Variants in MYO16 observed in about 807,000 individuals in gnomAD.
MYO16 encodes unconventional myosin-XVI.
In MYO16, 94 loss-of-function variants were observed where a neutral mutation model predicts 205.3. The observed-to-expected ratio is 0.46, with a 90% CI of 0.39 to 0.54. The LOEUF is 0.54. Among genes scored for constraint, MYO16 ranks in the 20% least tolerant of loss-of-function variants. The pLI is 0.00. For missense variants in MYO16, 2,315 were observed against 2,387.5 expected (o/e 0.97, Z 0.63); for synonymous variants, 988 against 954.0 (o/e 1.04, Z -0.66).
chr13:109,143,848 T>C (rs1877208626), intron 32 of MYO16, among the ~76,000 whole-genome samples: 1 of 152,186 alleles, frequency 6.6e-6, no homozygotes, highest in African/African-American at 2.4e-5. Context: ...AAAGATTGGA[T>C]TGAGCCACTT....
At chr13:108,909,536 G>T (rs1881162245) in intron 15 of MYO16, among the ~76,000 whole-genome samples, 1 of 151,792 alleles carries the variant, frequency 6.6e-6, no homozygotes, top group South Asian at 2.1e-4. Context: ...AGGGACCATG[G>T]TCTGTCTCCC....
intron 2 of MYO16, among the ~76,000 whole-genome samples, chr13:108,667,201 C>T (rs1000329748): frequency 3.3e-5 from 5 of 152,054 alleles, no homozygotes; most frequent in Admixed American, 6.5e-5. Context: ...GCTAAGAAAA[C>T]CTATAGCACA....
At chr13:109,117,485 T>C (rs1397405217) in intron 28 of MYO16, among the ~76,000 whole-genome samples, 1 of 148,150 alleles carries the variant, frequency 6.7e-6, no homozygotes, top group Non-Finnish European at 1.5e-5. Context: ...TGTATATGTA[T>C]ATATATGTAA....
At chr13:109,113,600 G>A (rs1875519297) in intron 28 of MYO16, among the ~76,000 whole-genome samples, 1 of 152,198 alleles carries the variant, frequency 6.6e-6, no homozygotes, top group Admixed American at 6.5e-5. Flanking sequence ...TAAACAGGAA[G>A]TGGGTTCTAG....
chr13:108,750,067 T>TA (rs35630287), intron 4 of MYO16, among the ~76,000 whole-genome samples: 2 of 151,800 alleles, frequency 1.3e-5, no homozygotes, highest in Non-Finnish European at 1.5e-5. Context: ...ATAGAGAGAA[T>TA]AAAAAAATGT....
At chr13:108,939,343 G>A (rs1452454242) in intron 16 of MYO16, among the ~76,000 whole-genome samples, 2 of 152,186 alleles carry the variant, frequency 1.3e-5, no homozygotes, top group Non-Finnish European at 2.9e-5. Context: ...GGTCCCCGGG[G>A]GAAAGGGGAG....
chr13:108,574,708 T>TGTGTGTGCGCGC, the MYO16 span, among the ~76,000 whole-genome samples: 1 of 81,724 alleles, frequency 1.2e-5, no homozygotes, highest in African/African-American at 3.9e-5. Context: ...TGTGTGTGTG[T>TGTGTGTGCGCGC]GCGCTTGTGT....
rs12584264 is a variant in MYO16, at chr13:109,095,665, A to G, written c.3336-5120A>G. ...AATACTATATTCAGATGCTCGAATTATATCAATTAAATTCTTGGTTATAAT... is the reference window on the plus strand; with the variant it reads ...AATACTATATTCAGATGCTCGAATTGTATCAATTAAATTCTTGGTTATAAT... On this transcript the variant is annotated intron_variant, in intron 27 of 34. Coordinates refer to ENST00000457511, the MANE Select transcript of MYO16 (RefSeq NM_001198950.3). Among the ~76,000 whole-genome samples, 60 of 152,348 alleles carry G rather than the reference A, an allele frequency of 3.9e-4. No homozygotes were observed. The East Asian group carries it at 9.8e-3, about 25-fold the overall frequency.
At chr13:108,753,005 A>C (rs1163499297) in intron 4 of MYO16, among the ~76,000 whole-genome samples, 1 of 151,830 alleles carries the variant, frequency 6.6e-6, no homozygotes, top group East Asian at 1.9e-4. Context: ...AATCAGGTTG[A>C]TGTAAGAGAT....
At chr13:108,556,949 T>C in the MYO16 span, among the ~76,000 whole-genome samples, 1 of 152,166 alleles carries the variant, frequency 6.6e-6, no homozygotes. Flanking sequence ...TGTTATTGTG[T>C]GGATTTATTT....
At chr13:108,639,182 G>T (rs934965808) in intron 1 of MYO16, among the ~76,000 whole-genome samples, 1 of 152,146 alleles carries the variant, frequency 6.6e-6, no homozygotes, top group African/African-American at 2.4e-5. Context: ...TTAAAGGAGA[G>T]ACTGAAAATG....
intron 15 of MYO16, 48 bp downstream of exon 15, chr13:108,898,181 G>A: frequency 7.0e-7 from 1 of 1,435,910 alleles, no homozygotes; most frequent in Non-Finnish European, 9.8e-7. Context: ...GAGCCAGCAT[G>A]CGACCACGTC....
chr13:108,785,588 T>G (rs1459816766), intron 4 of MYO16, 47 bp from the exon 5 acceptor site: 4 of 1,182,082 alleles, frequency 3.4e-6, no homozygotes, highest in Non-Finnish European at 3.6e-6. Flanking sequence ...AATCTGCTTT[T>G]AATTTAAACA....
chr13:108,631,599 A>G (rs1879983495), intron 1 of MYO16, among the ~76,000 whole-genome samples: 2 of 152,206 alleles, frequency 1.3e-5, no homozygotes, highest in South Asian at 4.1e-4. Flanking sequence ...ACTGCTTTCT[A>G]AGCTTTGAGT....
the MYO16 span, among the ~76,000 whole-genome samples, chr13:108,500,364 C>T: frequency 6.6e-6 from 1 of 150,814 alleles, no homozygotes; most frequent in African/African-American, 2.4e-5. Flanking sequence ...CGAGTAGCTG[C>T]GATTACAGGC....
At chr13:108,950,567 A>T (rs1331744785) in intron 16 of MYO16, among the ~76,000 whole-genome samples, 1 of 152,182 alleles carries the variant, frequency 6.6e-6, no homozygotes, top group Non-Finnish European at 1.5e-5. Context: ...GATGTGAAGA[A>T]ACTCACTGCC....
intron 22 of MYO16, 95 bp downstream of exon 22, chr13:109,009,144 A>G (rs571071161): frequency 3.1e-6 from 3 of 977,674 alleles, no homozygotes; most frequent in South Asian, 3.9e-5. Flanking sequence ...TATTTTTGAG[A>G]TATCTTTATA....
intron 28 of MYO16, among the ~76,000 whole-genome samples, chr13:109,112,849 G>T (rs1168159484): frequency 1.3e-5 from 2 of 152,190 alleles, no homozygotes; most frequent in Non-Finnish European, 2.9e-5. Context: ...CTTCTCCATT[G>T]TACACATCCA....
intron 2 of MYO16, among the ~76,000 whole-genome samples, chr13:108,668,468 C>A (rs867583614): frequency 6.6e-6 from 1 of 152,140 alleles, no homozygotes; most frequent in Admixed American, 6.5e-5. Context: ...TGACAAACAG[C>A]GTAAGTATTA....
Sources: allele counts gnomAD v4.1 joint callset (sites outside exome capture counted in the v4.1 genomes callset), GRCh38; gene constraint gnomAD v4.1.1; transcripts MANE v1.5; gene names NCBI Gene and HGNC (gene_info 2026-07-23, HGNC 2026-07-21).